The following VRK3 variants were observed in gnomAD, a reference collection of about 807,000 sequenced individuals.
VRK3 encodes VRK serine/threonine kinase 3.
A neutral mutation model predicts 60.4 loss-of-function variants in VRK3; 50 were observed. The ratio of observed to expected loss-of-function variants is 0.83; its 90% CI spans 0.66 to 1.05. The LOEUF (loss-of-function observed/expected upper bound fraction) is 1.05, where lower values mean the gene tolerates loss of function less well. Among genes scored for constraint, VRK3 ranks in the 50% least tolerant of loss-of-function variants. The pLI, the probability that VRK3 is intolerant of heterozygous loss-of-function variation, is 0.00. For missense variants in VRK3, 549 were observed against 585.3 expected, an observed-to-expected ratio of 0.94 and a Z score of 0.64; for synonymous variants, 246 against 227.8, an observed-to-expected ratio of 1.08 and a Z score of -0.72.
chr19:50,000,588 G>A, intron 6 of VRK3: 1 of 616,184 alleles, frequency 1.6e-6, no homozygotes, highest in Non-Finnish European at 2.9e-6. Flanking sequence ...CCAGACTTGG[G>A]TGGATCCAAC....
Position 50,022,090 on chromosome 19 carries a change from T to C in VRK3, c.-64-1443A>G, listed in dbSNP as rs539335010. On this transcript the variant is annotated intron_variant, in intron 1 of 14. Coordinates refer to ENST00000316763, the MANE Select transcript of VRK3 (RefSeq NM_016440.4). ...GATGCTCAAAGGGTGACAATTCTCC[T>C]TCCCCCAGACCTGACTCCACTCACC... Among the ~76,000 whole-genome samples the C allele has an allele frequency of 2.0e-5, 3 of 152,262 alleles. No homozygotes were observed. The South Asian group carries it at 6.2e-4, about 32-fold the overall frequency.
intron 1 of VRK3, among the ~76,000 whole-genome samples, chr19:50,023,999 G>C: frequency 6.6e-6 from 1 of 152,298 alleles, no homozygotes; most frequent in African/African-American, 2.4e-5. Context: ...GCAGTGGCAC[G>C]ACCTCAGCTC....
intron 14 of VRK3, chr19:49,978,445 A>G (rs2076367774): frequency 6.6e-6 from 1 of 152,378 alleles, no homozygotes. Flanking sequence ...ATGGAAGTAA[A>G]GCCATCTAGT....
At chr19:49,999,020 G>A (rs947149854) in intron 6 of VRK3, 3 of 150,394 alleles carry the variant, frequency 2.0e-5, no homozygotes, top group African/African-American at 7.3e-5. Flanking sequence ...CTACTTGGGA[G>A]GCTAAAGTGG....
intron 10 of VRK3, among the ~76,000 whole-genome samples, chr19:49,990,283 T>C (rs1203959152): frequency 6.6e-6 from 1 of 152,264 alleles, no homozygotes; most frequent in East Asian, 1.9e-4. Context: ...ATGATAATAA[T>C]AGTCCCCACC....
chr19:49,991,522 C>A (rs750863697), intron 10 of VRK3, among the ~76,000 whole-genome samples: 25 of 151,872 alleles, frequency 1.6e-4, no homozygotes, highest in Non-Finnish European at 3.1e-4. Context: ...AATCTCTACA[C>A]ACACACACAC....
intron 6 of VRK3, chr19:50,000,516 G>A (rs1600689660): frequency 2.0e-6 from 1 of 509,174 alleles, no homozygotes; most frequent in Non-Finnish European, 3.6e-6. Context: ...TTTCACAGAT[G>A]AGGAAACTGA....
intron 3 of VRK3, among the ~76,000 whole-genome samples, chr19:50,013,352 G>A (rs1433658514): frequency 1.3e-5 from 2 of 152,164 alleles, no homozygotes; most frequent in Non-Finnish European, 2.9e-5. Context: ...GGGTCCCTTA[G>A]GGCATCATGG....
chr19:49,980,100 C>A (rs1393148005), intron 13 of VRK3, among the ~76,000 whole-genome samples: 1 of 151,706 alleles, frequency 6.6e-6, no homozygotes, highest in South Asian at 2.1e-4. Context: ...AAAAAATGAG[C>A]CTTAGAGAGC....
At chr19:49,993,627 T>C (rs2076650139) in intron 9 of VRK3, among the ~76,000 whole-genome samples, 2 of 152,188 alleles carry the variant, frequency 1.3e-5, no homozygotes, top group Admixed American at 1.3e-4. Flanking sequence ...CTTGAACTCC[T>C]GAGCTCAAGT....
chr19:49,983,883 G>C (rs2076467023), intron 12 of VRK3, among the ~76,000 whole-genome samples: 1 of 152,120 alleles, frequency 6.6e-6, no homozygotes, highest in South Asian at 2.1e-4. Flanking sequence ...AGGTGCATCT[G>C]GGGGACAGTG....
At chr19:49,997,461 C>G in intron 7 of VRK3, 43 bp downstream of exon 7, 7 of 1,605,898 alleles carry the variant, frequency 4.4e-6, no homozygotes, top group Non-Finnish European at 6.0e-6. Flanking sequence ...CAAGTTGGCG[C>G]CCCCCTCACT....
chr19:50,019,198 TAAAC>T (rs1230870320), intron 2 of VRK3: 2 of 145,106 alleles, frequency 1.4e-5, no homozygotes, highest in African/African-American at 2.5e-5. Context: ...GAAAAAAAAT[TAAAC>T]AAAAATTTTT....
chr19:49,989,639 C>G lies in VRK3; in HGVS notation c.1096G>C (p.Gly366Arg), dbSNP rs764475786. The G allele has an allele frequency of 1.2e-6, 2 of 1,606,358 alleles. No homozygotes were observed. Among genetic ancestry groups the G allele is most frequent in the Admixed American group, 1.7e-5 (1 of 59,496 alleles). The change falls in exon 11 of 15, where the codon GGG becomes CGG. Residue 366 changes from glycine (G) to arginine (R), a missense_variant and splice_region_variant. Transcript: ENST00000316763. ...CCCAAACCCATCCCTGGCCTCGTAC[C>G]GCATCCCTTGTGCAGGTCCATGCTA... ...FISMDLHKGC[G>R]PSRRSDLQSL... is the part of the protein sequence containing the mutation.
chr19:49,979,220 C>T lies in VRK3; in HGVS notation c.1299G>A (p.Lys433=). The part of the protein sequence containing the change: ...RPSETLQKYL[K]VVMALTYEEK... The stretch of plus-strand genomic sequence containing the variant: ...CCTCATACGTGAGGGCCATCACCAC[C>T]TTCAGGTACTTCTGCAGGGTCTCTG... The change falls in exon 14 of 15, where the codon AAG becomes AAA. Residue 433 remains lysine (K), a synonymous_variant. Coordinates refer to ENST00000316763, the MANE Select transcript of VRK3 (RefSeq NM_016440.4). 1 of 1,614,132 alleles carries T rather than the reference C, an allele frequency of 6.2e-7. No individual in the cohort carries two copies. Among genetic ancestry groups the T allele is most frequent in the Non-Finnish European group, 8.5e-7 (1 of 1,180,028 alleles).
intron 13 of VRK3, among the ~76,000 whole-genome samples, chr19:49,980,548 T>G (rs976429318): frequency 3.3e-5 from 5 of 152,028 alleles, no homozygotes; most frequent in African/African-American, 9.7e-5. Flanking sequence ...AAACCCCGTC[T>G]CTACTAAAAA....
intron 7 of VRK3, chr19:49,996,948 G>C (rs906359360): frequency 2.6e-5 from 4 of 152,126 alleles, no homozygotes; most frequent in Admixed American, 2.6e-4. Flanking sequence ...CTGGCTGTCT[G>C]TAACAACCAG....
At chr19:50,011,971 C>CTTT (rs36006212) in intron 3 of VRK3, among the ~76,000 whole-genome samples, 2 of 139,256 alleles carry the variant, frequency 1.4e-5, no homozygotes, top group African/African-American at 2.7e-5. Flanking sequence ...CTTGCTCATT[C>CTTT]TTTTTTTTTT....
At chr19:50,024,437 A>G (rs1239614084) in intron 1 of VRK3, among the ~76,000 whole-genome samples, 2 of 152,214 alleles carry the variant, frequency 1.3e-5, no homozygotes, top group Non-Finnish European at 2.9e-5. Flanking sequence ...AAACAGAGAA[A>G]AAGACCTTTC....
Sources: gnomAD v4.1 joint callset for allele counts (sites outside exome capture counted in the v4.1 genomes callset) on GRCh38, gnomAD v4.1.1 for gene constraint, MANE v1.5 for transcripts, NCBI Gene and HGNC (gene_info 2026-07-23, HGNC 2026-07-21) for gene names.